Variants in DAAM2 observed in about 807,000 individuals in gnomAD.
The protein encoded by DAAM2 is dishevelled associated activator of morphogenesis 2, also known as disheveled-associated activator of morphogenesis 2.
DAAM2 carries 39 observed loss-of-function variants against 120.7 expected under a neutral mutation model. That is an observed-to-expected ratio of 0.32 (90% CI 0.25 to 0.42). The LOEUF is 0.42. Ranked by LOEUF, DAAM2 falls within the 10% of genes least tolerant of loss-of-function variation. The pLI is 1.00. For missense variants in DAAM2, 1,283 were observed against 1,401.7 expected (o/e 0.92, Z 1.35); for synonymous variants, 488 against 524.9 (o/e 0.93, Z 0.96).
At chr6:39,828,619 A>G (rs1176916213) in intron 1 of DAAM2, among the ~76,000 whole-genome samples, 4 of 146,004 alleles carry the variant, frequency 2.7e-5, no homozygotes, top group African/African-American at 5.2e-5. Flanking sequence ...CTGGAGTGCA[A>G]TGGTGCGATC....
At chr6:39,806,155 A>G (rs911624785) in intron 1 of DAAM2, among the ~76,000 whole-genome samples, 1 of 152,196 alleles carries the variant, frequency 6.6e-6, no homozygotes, top group African/African-American at 2.4e-5. Context: ...GATTATTGCT[A>G]TAAGAGGGAG....
chr6:39,870,769 T>C (rs1315533304), intron 8 of DAAM2, among the ~76,000 whole-genome samples: 5 of 152,228 alleles, frequency 3.3e-5, no homozygotes, highest in African/African-American at 4.8e-5. Context: ...GTATTGGTTG[T>C]TGGGGGCCAG....
At chr6:39,825,439 G>A (rs1306798126) in intron 1 of DAAM2, among the ~76,000 whole-genome samples, 6 of 120,428 alleles carry the variant, frequency 5.0e-5, no homozygotes, top group African/African-American at 1.6e-4. Flanking sequence ...CACAAGGTCG[G>A]GGGGTTGGTG....
At chr6:39,877,335 A>G (rs1408256703) in intron 11 of DAAM2, among the ~76,000 whole-genome samples, 2 of 152,148 alleles carry the variant, frequency 1.3e-5, no homozygotes, top group African/African-American at 4.8e-5. Flanking sequence ...CTTGGTTCCA[A>G]GTAGGGCCCC....
At chr6:39,871,437 C>A in intron 8 of DAAM2, 69 bp from the exon 9 acceptor site, 2 of 1,415,654 alleles carry the variant, frequency 1.4e-6, no homozygotes, top group South Asian at 1.2e-5. Flanking sequence ...CTCGAAGGGG[C>A]TGTAACCCTC....
chr6:39,835,715 G>A (rs147028663), intron 1 of DAAM2, among the ~76,000 whole-genome samples: 220 of 152,368 alleles, frequency 1.4e-3, no homozygotes, highest in African/African-American at 4.5e-3. Flanking sequence ...AGGGGCATGG[G>A]TTGGCGAAGA....
At chr6:39,837,958 G>A (rs924735775) in intron 1 of DAAM2, among the ~76,000 whole-genome samples, 1 of 152,204 alleles carries the variant, frequency 6.6e-6, no homozygotes, top group Non-Finnish European at 1.5e-5. Context: ...CCTGTGGGAT[G>A]GACCTCCCAG....
Position 39,902,281 on chromosome 6 carries a change from C to T in DAAM2, c.*244C>T, listed in dbSNP as rs1412135276. On this transcript the variant is annotated 3_prime_UTR_variant, in exon 25 of 25. Coordinates refer to ENST00000274867, the MANE Select transcript of DAAM2 (RefSeq NM_001201427.2). ...GCCCCAGGTATTATTCTGAGGCTGCCTTGGATGGCCTCAGGCCAGGTAACC... is the reference window on the plus strand; with the variant it reads ...GCCCCAGGTATTATTCTGAGGCTGCTTTGGATGGCCTCAGGCCAGGTAACC... The T allele has an allele frequency of 2.5e-6, 1 of 405,950 alleles. No homozygotes were observed. The allele number at this position is 405,950 out of a possible 1,614,324, so 25.1% of individuals were successfully genotyped here.
At chr6:39,881,956 C>T (rs1367473850) in intron 14 of DAAM2, 1 of 152,144 alleles carries the variant, frequency 6.6e-6, no homozygotes, top group Non-Finnish European at 1.5e-5. Flanking sequence ...CCTCCATCTT[C>T]CCACAGTCCC....
chr6:39,794,805 A>G (rs1189236909), intron 1 of DAAM2, among the ~76,000 whole-genome samples: 1 of 152,188 alleles, frequency 6.6e-6, no homozygotes, highest in Admixed American at 6.5e-5. Context: ...AGGCTTTCTT[A>G]TTTGATTTTA....
At chr6:39,832,131 A>T (rs1762938686) in intron 1 of DAAM2, among the ~76,000 whole-genome samples, 1 of 151,876 alleles carries the variant, frequency 6.6e-6, no homozygotes, top group Admixed American at 6.6e-5. Context: ...AGGCAGGTGC[A>T]CTGGTGCTCA....
rs1399840839 is a variant in DAAM2 at position 39,901,432 on chromosome 6, G to A, written c.2942G>A (p.Arg981Lys). 3.1e-6 allele frequency: 5 copies of A among 1,612,908 alleles called. No homozygotes were observed. The highest frequency in any genetic ancestry group is 1.3e-5 in the African/African-American group (1 of 74,918). ...CAGGATCTAGAGGCCATGAGGAGGAGGAAGGAGGAGGAGGAGCGGCGGGCG... is the reference window on the plus strand; with the variant it reads ...CAGGATCTAGAGGCCATGAGGAGGAAGAAGGAGGAGGAGGAGCGGCGGGCG... The part of the protein sequence containing the change: ...ARQDLEAMRR[R>K]KEEEERRARM... Residue 981 changes from arginine to lysine, a missense_variant, in exon 24 of 25, where the codon AGG becomes AAG. Around this residue, in one of 3 missense-constraint regions of DAAM2, gnomAD observed 748 missense variants for 768.6 expected, o/e 0.97. Coordinates refer to ENST00000274867, the MANE Select transcript of DAAM2 (RefSeq NM_001201427.2). This position sits in a 1 kb window ranked among gnomAD's most constrained non-coding sequence, Gnocchi z 4.5.
At chr6:39,824,991 G>A (rs1446844144) in intron 1 of DAAM2, among the ~76,000 whole-genome samples, 1 of 152,188 alleles carries the variant, frequency 6.6e-6, no homozygotes, top group East Asian at 1.9e-4. Flanking sequence ...GAGGTGACCT[G>A]GGGTGGCTTC....
At chr6:39,805,107 T>A (rs1268137763) in intron 1 of DAAM2, among the ~76,000 whole-genome samples, 5 of 152,180 alleles carry the variant, frequency 3.3e-5, no homozygotes, top group African/African-American at 1.2e-4. Context: ...GATAATTAAT[T>A]TCTTATTAAG....
At position 39,891,368 on chromosome 6, in the gene DAAM2, G is replaced by C; in HGVS notation, c.2173G>C (p.Asp725His). The C allele has an allele frequency of 6.2e-7, 1 of 1,610,650 alleles. No individual in the cohort carries two copies. The highest frequency in any genetic ancestry group is 2.2e-5 in the East Asian group (1 of 44,816). Reference sequence around the variant, plus strand: ...CCTCAAGTTCATCCCAGAGAAGAGTGACATTGACCTCCTGGAGGAGCACAA... The same window carrying C: ...CCTCAAGTTCATCCCAGAGAAGAGTCACATTGACCTCCTGGAGGAGCACAA... ...QLLKFIPEKSDIDLLEEHKHE... is the reference protein window; with the variant it reads ...QLLKFIPEKSHIDLLEEHKHE... Residue 725 changes from aspartate (D) to histidine (H), a missense_variant, in exon 18 of 25, where the codon GAC becomes CAC. Transcript: ENST00000274867.
At position 39,865,124 on chromosome 6, in the gene DAAM2, T is replaced by C. The variant is rs576963056; in HGVS notation, c.428+50T>C. 1.9e-5 allele frequency: 21 copies of C among 1,111,810 alleles called. No homozygotes were observed. In the South Asian group the frequency reaches 2.4e-4, roughly 13 times the overall value. The allele number at this position is 1,111,810 out of a possible 1,614,324, so 68.9% of individuals were successfully genotyped here. On this transcript the variant is annotated intron_variant, in intron 5 of 24. Transcript: ENST00000274867. ...TCCTGCTGAGTCCCTTCACAGTTGGTCTCCTTGCCTTCCCGAAGCCCTGTG... is the reference window on the plus strand; with the variant it reads ...TCCTGCTGAGTCCCTTCACAGTTGGCCTCCTTGCCTTCCCGAAGCCCTGTG...
At chr6:39,867,447 T>A in intron 5 of DAAM2, 63 bp from the exon 6 acceptor site, 2 of 1,532,856 alleles carry the variant, frequency 1.3e-6, no homozygotes, top group South Asian at 1.2e-5. Context: ...AGGGGGTAAC[T>A]ATTTGCAAAG....
rs1764337229 is a variant in DAAM2, at chr6:39,864,447, C to T, written c.273C>T (p.Pro91=). ...YCSKKKEQED[P]NKLATSWPDY... Reference sequence around the variant, plus strand: ...TCTTGTTTCAGGAGCAGGAGGACCCCAACAAGCTGGCAACCAGCTGGCCTG... The same window carrying T: ...TCTTGTTTCAGGAGCAGGAGGACCCTAACAAGCTGGCAACCAGCTGGCCTG... The change falls in exon 4 of 25, where the codon CCC becomes CCT. Residue 91 remains proline (P), a synonymous_variant. Transcript: ENST00000274867. 4 of 1,612,818 alleles carry T rather than the reference C, an allele frequency of 2.5e-6. No individual in the cohort carries two copies. Among genetic ancestry groups the T allele is most frequent in the East Asian group, 2.2e-5 (1 of 44,884 alleles).
At chr6:39,866,404 C>T (rs1243403099) in intron 5 of DAAM2, among the ~76,000 whole-genome samples, 2 of 152,110 alleles carry the variant, frequency 1.3e-5, no homozygotes, top group African/African-American at 4.8e-5. Flanking sequence ...TTTGAGAGCA[C>T]ATTCTTTTAT....
Sources: gnomAD v4.1 joint callset for allele counts (sites outside exome capture counted in the v4.1 genomes callset) on GRCh38, gnomAD v4.1.1 for gene constraint, gnomAD v4.1.1 regional missense constraint, Gnocchi (gnomAD v3.1) non-coding constraint, MANE v1.5 for transcripts, NCBI Gene and HGNC (gene_info 2026-07-23, HGNC 2026-07-21) for gene names.